Variants in SLC25A33 observed in about 807,000 individuals in gnomAD.
SLC25A33 encodes the protein solute carrier family 25 member 33.
SLC25A33 carries 15 observed loss-of-function variants against 35.5 expected under a neutral mutation model. The observed-to-expected ratio is 0.42, with a 90% CI of 0.28 to 0.65. The LOEUF is 0.65. Ranked by LOEUF, SLC25A33 falls within the 30% of genes least tolerant of loss-of-function variation. The pLI is 0.20. For missense variants in SLC25A33, 257 were observed against 398.5 expected, an observed-to-expected ratio of 0.64 and a Z score of 3.02; for synonymous variants, 136 against 148.7, an observed-to-expected ratio of 0.91 and a Z score of 0.62.
intron 5 of SLC25A33, chr1:9,576,998 G>C: frequency 1.8e-6 from 2 of 1,096,928 alleles, no homozygotes; most frequent in Non-Finnish European, 2.7e-6. Flanking sequence ...TCTAAGAGTT[G>C]TCCCGCTACA....
At chr1:9,547,874 G>A (rs934570974) in intron 1 of SLC25A33, among the ~76,000 whole-genome samples, 11 of 149,012 alleles carry the variant, frequency 7.4e-5, no homozygotes, top group African/African-American at 1.2e-4. Context: ...TTTTGTTTTT[G>A]TTTTTCCCTT....
Position 9,553,824 on chromosome 1 carries a change from G to A in SLC25A33, c.236+19G>A. 6.2e-7 allele frequency: 1 copy of A among 1,602,866 alleles called. No individual in the cohort carries two copies. Among genetic ancestry groups the A allele is most frequent in the Non-Finnish European group, 8.5e-7 (1 of 1,172,232 alleles). On this transcript the variant is annotated intron_variant, in intron 2 of 6. Coordinates refer to ENST00000302692, the MANE Select transcript of SLC25A33 (RefSeq NM_032315.3). The stretch of plus-strand genomic sequence containing the variant: ...TTCTGAAGTAAGTTCAGTCTTGTCT[G>A]CTCCTGCCACCTGCACACCCTGTAC...
chr1:9,575,546 T>A (rs1392008595), intron 5 of SLC25A33, among the ~76,000 whole-genome samples: 1 of 146,648 alleles, frequency 6.8e-6, no homozygotes, highest in African/African-American at 2.5e-5. Flanking sequence ...ACCCGGGAGG[T>A]GGAGGTTGCA....
In SLC25A33 at chr1:9,582,177, G is replaced by A; in HGVS notation, c.764-122G>A. 3.9e-6 allele frequency: 4 copies of A among 1,029,702 alleles called. No individual in the cohort carries two copies. Among genetic ancestry groups the A allele is most frequent in the South Asian group, 1.5e-5 (1 of 66,226 alleles). The allele number at this position is 1,029,702 out of a possible 1,614,324, so 63.8% of individuals were successfully genotyped here. On this transcript the variant is annotated intron_variant, in intron 6 of 6. Coordinates refer to ENST00000302692, the MANE Select transcript of SLC25A33 (RefSeq NM_032315.3). The surrounding 1 kb of genome is among the most constrained non-coding windows in gnomAD (Gnocchi z 4.0). ...GATCCACCCGCCTCGGCCTCCCAAA[G>A]TTCTGGGATTACAGGTGTGAGCCAC...
intron 2 of SLC25A33, among the ~76,000 whole-genome samples, chr1:9,555,210 T>C (rs1387053082): frequency 4.7e-5 from 7 of 148,594 alleles, no homozygotes; most frequent in African/African-American, 9.9e-5. Context: ...CTCCGCCTCC[T>C]GGGTTCACGC....
intron 1 of SLC25A33, among the ~76,000 whole-genome samples, chr1:9,552,910 C>CT (rs58092940): frequency 0.043 from 4,017 of 94,160 alleles, 103 homozygotes; most frequent in East Asian, 0.14. Flanking sequence ...GGGATTTCAA[C>CT]TTTTTTTTTT....
At chr1:9,540,427 TC>T (rs1211005934) in intron 1 of SLC25A33, among the ~76,000 whole-genome samples, 1 of 152,046 alleles carries the variant, frequency 6.6e-6, no homozygotes, top group Non-Finnish European at 1.5e-5. Flanking sequence ...CTGCATTAGG[TC>T]TATGGTCAGG....
chr1:9,545,958 G>A (rs1302958473), intron 1 of SLC25A33, among the ~76,000 whole-genome samples: 1 of 151,078 alleles, frequency 6.6e-6, no homozygotes, highest in Non-Finnish European at 1.5e-5. Flanking sequence ...GCGAGACTCC[G>A]TCTAAAAAAA....
chr1:9,562,086 G>A (rs573791487), intron 2 of SLC25A33, among the ~76,000 whole-genome samples: 2 of 148,746 alleles, frequency 1.3e-5, no homozygotes, highest in East Asian at 4.0e-4. Flanking sequence ...CGTGTTTCAC[G>A]CCTGCAATCC....
intron 2 of SLC25A33, among the ~76,000 whole-genome samples, chr1:9,561,077 G>GT (rs1184367078): frequency 6.6e-6 from 1 of 151,608 alleles, no homozygotes; most frequent in African/African-American, 2.4e-5. Context: ...AGCCTCCTGA[G>GT]TAGCTGGGAC....
rs138338810 is a variant in SLC25A33 at position 9,540,728 on chromosome 1, T to C, written c.56+981T>C. On this transcript the variant is annotated intron_variant, in intron 1 of 6. Coordinates refer to ENST00000302692, the MANE Select transcript of SLC25A33 (RefSeq NM_032315.3). ...AAAATAGTTTATTCTGGGATGATCA[T>C]CTTGGCTTGAGTAGTTGCAGCCTGG... Among the ~76,000 whole-genome samples, 790 of 152,324 alleles carry C rather than the reference T, an allele frequency of 5.2e-3. 21 individuals carry two copies. The highest frequency in any genetic ancestry group is 0.033 in the Admixed American group (512 of 15,284).
At chr1:9,545,148 A>G (rs1345345107) in intron 1 of SLC25A33, among the ~76,000 whole-genome samples, 1 of 152,108 alleles carries the variant, frequency 6.6e-6, no homozygotes, top group Non-Finnish European at 1.5e-5. Flanking sequence ...TCAGTTTTGG[A>G]AAGGAATAAT....
intron 2 of SLC25A33, among the ~76,000 whole-genome samples, chr1:9,560,014 G>A (rs926901123): frequency 7.2e-5 from 11 of 152,142 alleles, no homozygotes; most frequent in African/African-American, 2.4e-4. Flanking sequence ...CACTTTGGGA[G>A]GCCAAGGCAG....
At position 9,553,203 on chromosome 1, in the gene SLC25A33, G is replaced by GTTTTTTTTTTTTTTTTTTTTTTT. The variant is rs550067186; in HGVS notation, c.57-421_57-399dup. On this transcript the variant is annotated intron_variant, in intron 1 of 6. Transcript: ENST00000302692. ...TTAACCTTTATTGTGTTCTAGTTTT[G>GTTTTTTTTTTTTTTTTTTTTTTT]TTTTTTTTTTTTTTTTTTTTTTTTG... 1.3e-3 allele frequency among the ~76,000 whole-genome samples: 76 copies of GTTTTTTTTTTTTTTTTTTTTTTT among 56,492 alleles called. 1 individual carries two copies. The highest frequency in any genetic ancestry group is 1.9e-3 in the Non-Finnish European group (58 of 30,932). 37.1% of individuals were successfully genotyped at this position (56,492 alleles called of 152,430 possible). A position where few individuals can be genotyped will look rare whatever the true frequency, so the allele number is the denominator to read the frequency against.
Position 9,583,660 on chromosome 1 carries a change from C to T in SLC25A33, c.*1159C>T, listed in dbSNP as rs1557540413. ...CAACGTAGGACTATGGCTCACCCGT[C>T]AGAGAGCTCACATTCTGATAGAAAG... On this transcript the variant is annotated 3_prime_UTR_variant, in exon 7 of 7. Transcript: ENST00000302692. 6.6e-6 allele frequency: 1 copy of T among 151,782 alleles called. No individual in the cohort carries two copies. The highest frequency in any genetic ancestry group is 1.9e-4 in the East Asian group (1 of 5,174). 9.4% of individuals were successfully genotyped at this position (151,782 alleles called of 1,614,324 possible).
In SLC25A33 at chr1:9,580,008, G is replaced by A; in HGVS notation, c.537G>A (p.Gln179=). 1.9e-6 allele frequency: 3 copies of A among 1,613,502 alleles called. No homozygotes were observed. Among genetic ancestry groups the A allele is most frequent in the Non-Finnish European group, 2.5e-6 (3 of 1,179,724 alleles). The change falls in exon 6 of 7, where the codon CAG becomes CAA. Residue 179 remains glutamine (Q), a synonymous_variant. Transcript: ENST00000302692. ...TCCAGTGTGCTCGTTACGTTTACCAGACCGAAGGCATTCGTGGCTTCTATA... is the reference window on the plus strand; with the variant it reads ...TCCAGTGTGCTCGTTACGTTTACCAAACCGAAGGCATTCGTGGCTTCTATA... ...NTLQCARYVY[Q]TEGIRGFYRG...
chr1:9,560,251 CAA>C (rs1211740712), intron 2 of SLC25A33, among the ~76,000 whole-genome samples: 19 of 96,382 alleles, frequency 2.0e-4, no homozygotes, highest in Non-Finnish European at 1.7e-4. Context: ...GACTCCATCT[CAA>C]AAAAAAAAAA....
chr1:9,582,697 A>G lies in SLC25A33; in HGVS notation c.*196A>G. ...AATTCATTAACGTTAATAGTTAATT[A>G]TAACTTTTTTTTTAACTTAAGAGGA... is the stretch of plus-strand genomic sequence containing the variant. On this transcript the variant is annotated 3_prime_UTR_variant, in exon 7 of 7. Coordinates refer to ENST00000302692, the MANE Select transcript of SLC25A33 (RefSeq NM_032315.3). The surrounding 1 kb of genome is among the most constrained non-coding windows in gnomAD (Gnocchi z 4.0). The G allele has an allele frequency of 1.7e-6, 1 of 589,492 alleles. No individual in the cohort carries two copies. Among genetic ancestry groups the G allele is most frequent in the Non-Finnish European group, 2.9e-6 (1 of 343,552 alleles). 36.5% of individuals were successfully genotyped at this position (589,492 alleles called of 1,614,324 possible).
chr1:9,548,554 C>A (rs1367216861), intron 1 of SLC25A33, among the ~76,000 whole-genome samples: 8 of 152,174 alleles, frequency 5.3e-5, no homozygotes, highest in African/African-American at 1.9e-4. Context: ...TGCACTCCAG[C>A]CTGGGTGACA....
Sources: gnomAD v4.1 joint callset for allele counts (sites outside exome capture counted in the v4.1 genomes callset) on GRCh38, gnomAD v4.1.1 for gene constraint, Gnocchi (gnomAD v3.1) non-coding constraint, MANE v1.5 for transcripts, NCBI Gene and HGNC (gene_info 2026-07-23, HGNC 2026-07-21) for gene names.